Variants in PXMP2 observed in about 807,000 individuals in gnomAD.
The protein encoded by PXMP2 is peroxisomal membrane protein 2, also known as 22 kDa peroxisomal membrane protein.
In PXMP2, 13 loss-of-function variants were observed where a neutral mutation model predicts 20.2. The ratio of observed to expected loss-of-function variants is 0.64; its 90% CI spans 0.42 to 1.02. The LOEUF (loss-of-function observed/expected upper bound fraction) is 1.02. Ranked by LOEUF, PXMP2 falls within the 50% of genes least tolerant of loss-of-function variation. The pLI, the probability that PXMP2 is intolerant of heterozygous loss-of-function variation, is 0.00. For missense variants in PXMP2, 284 were observed against 251.8 expected (o/e 1.13, Z -0.87); for synonymous variants, 113 against 111.2 (o/e 1.02, Z -0.10).
chr12:132,701,372 G>A lies in PXMP2; in HGVS notation c.519+3G>A. 1 of 1,611,982 alleles carries A rather than the reference G, an allele frequency of 6.2e-7. No homozygotes were observed. ...ACATCAACTACGTCCCTCTGAAGGT[G>A]AGGGCCACGGGGCTCAGCCTCTGCT... On this transcript the variant is annotated splice_donor_region_variant and intron_variant, in intron 4 of 4. Transcript: ENST00000317479.
chr12:132,703,858 C>T (rs2043455729), intron 4 of PXMP2, among the ~76,000 whole-genome samples: 1 of 151,892 alleles, frequency 6.6e-6, no homozygotes, highest in African/African-American at 2.4e-5. Context: ...CACTGGTTCT[C>T]GGGAATTTAG....
At chr12:132,703,374 T>C (rs1365727592) in intron 4 of PXMP2, among the ~76,000 whole-genome samples, 1 of 151,888 alleles carries the variant, frequency 6.6e-6, no homozygotes, top group Non-Finnish European at 1.5e-5. Context: ...CCATGGTGGG[T>C]GCAGACGTGA....
In PXMP2 at chr12:132,704,652, T is replaced by A; in HGVS notation, c.553T>A (p.Phe185Ile). Residue 185 changes from phenylalanine (F) to isoleucine (I), a missense_variant, in exon 5 of 5, where the codon TTC becomes ATC. Coordinates refer to ENST00000317479, the MANE Select transcript of PXMP2 (RefSeq NM_018663.3). ...GCTCTTCGCCAACCTGGCAGCTCTG[T>A]TCTGGTATGCCTACCTGGCCTCCTT... is the stretch of plus-strand genomic sequence containing the variant. Reference protein sequence around the residue: ...RVLFANLAALFWYAYLASLGK With the variant: ...RVLFANLAALIWYAYLASLGK 6.5e-7 allele frequency: 1 copy of A among 1,528,758 alleles called. No homozygotes were observed. The highest frequency in any genetic ancestry group is 8.8e-7 in the Non-Finnish European group (1 of 1,133,962). The allele number at this position is 1,528,758 out of a possible 1,614,324, so 94.7% of individuals were successfully genotyped here.
At chr12:132,701,456 C>T in intron 4 of PXMP2, 87 bp downstream of exon 4, 1 of 1,496,128 alleles carries the variant, frequency 6.7e-7, no homozygotes, top group Non-Finnish European at 9.0e-7. Context: ...CCCCCCCTCC[C>T]TCCCCTCTTC....
Position 132,695,866 on chromosome 12 carries a change from A to AC in PXMP2, c.237-13dup. ...TCCAGAGAACCACAATCTGGCTCAC[A>AC]CCCCCTGGGGGCCTCAGGTTCTTCT... On this transcript the variant is annotated splice_polypyrimidine_tract_variant and intron_variant, in intron 2 of 4. Coordinates refer to ENST00000317479, the MANE Select transcript of PXMP2 (RefSeq NM_018663.3). 1 of 1,589,690 alleles carries AC rather than the reference A, an allele frequency of 6.3e-7. No homozygotes were observed. Among genetic ancestry groups the AC allele is most frequent in the East Asian group, 2.3e-5 (1 of 44,392 alleles).
intron 2 of PXMP2, among the ~76,000 whole-genome samples, chr12:132,695,155 G>T (rs35307355): frequency 1.3e-5 from 2 of 148,592 alleles, no homozygotes; most frequent in African/African-American, 5.0e-5. Flanking sequence ...GTTAGTGAGC[G>T]CCCTTGACAG....
chr12:132,704,504 G>A lies in PXMP2; in HGVS notation c.520-115G>A. The stretch of plus-strand genomic sequence containing the variant: ...GCTCAGTAAATGCAGTAATGGATGG[G>A]TGGTTGGACCAGCTGACCAACAAAC... On this transcript the variant is annotated intron_variant, in intron 4 of 4. Coordinates refer to ENST00000317479, the MANE Select transcript of PXMP2 (RefSeq NM_018663.3). The A allele has an allele frequency of 4.1e-6, 3 of 736,358 alleles. No homozygotes were observed. The South Asian group carries it at 8.8e-5, about 22-fold the overall frequency. The allele number at this position is 736,358 out of a possible 1,614,324, so 45.6% of individuals were successfully genotyped here.
At chr12:132,702,955 C>T (rs1275032810) in intron 4 of PXMP2, among the ~76,000 whole-genome samples, 1 of 152,204 alleles carries the variant, frequency 6.6e-6, no homozygotes, top group Non-Finnish European at 1.5e-5. Flanking sequence ...TGCACACAGA[C>T]AGGACAAAGA....
chr12:132,695,451 G>T (rs1593106788), intron 2 of PXMP2, among the ~76,000 whole-genome samples: 1 of 152,260 alleles, frequency 6.6e-6, no homozygotes, highest in East Asian at 1.9e-4. Flanking sequence ...CCTGTTCTGG[G>T]CACTGCAGTG....
In PXMP2 at chr12:132,696,443, C is replaced by T. The variant is rs2043410212; in HGVS notation, c.399+397C>T. 6.6e-6 allele frequency among the ~76,000 whole-genome samples: 1 copy of T among 152,054 alleles called. No homozygotes were observed. The highest frequency in any genetic ancestry group is 6.6e-5 in the Admixed American group (1 of 15,242). ...ATCACATCAGTTGTTACAGATATCT[C>T]GAAATATAATTTATGCTCATTACTA... On this transcript the variant is annotated intron_variant, in intron 3 of 4. Transcript: ENST00000317479. This position sits in a 1 kb window ranked among gnomAD's most constrained non-coding sequence, Gnocchi z 4.4.
chr12:132,695,838 A>G (rs371897821), intron 2 of PXMP2, 46 bp from the exon 3 acceptor site: 25 of 1,559,540 alleles, frequency 1.6e-5, no homozygotes, highest in Non-Finnish European at 1.9e-5. Flanking sequence ...AGAGAAGAGC[A>G]CATCCAGAGA....
intron 3 of PXMP2, among the ~76,000 whole-genome samples, chr12:132,700,241 G>T (rs1294588948): frequency 1.3e-5 from 2 of 151,752 alleles, no homozygotes; most frequent in Non-Finnish European, 2.9e-5. Context: ...TAGAGACAGG[G>T]TTTTCCCATG....
At chr12:132,701,590 A>G (rs1277339400) in intron 4 of PXMP2, 9 of 601,810 alleles carry the variant, frequency 1.5e-5, no homozygotes, top group Middle Eastern at 4.6e-4. Context: ...GGATTCAGGA[A>G]GCAACAGAGA....
chr12:132,697,409 ATTTATTT>A (rs1002664044), intron 3 of PXMP2, among the ~76,000 whole-genome samples: 1 of 151,342 alleles, frequency 6.6e-6, no homozygotes, highest in African/African-American at 2.4e-5. Flanking sequence ...TTATTTATTT[ATTTATTT>A]TTTATTTTTG....
intron 3 of PXMP2, among the ~76,000 whole-genome samples, chr12:132,699,315 G>T (rs1308622244): frequency 6.6e-6 from 1 of 152,048 alleles, no homozygotes; most frequent in Non-Finnish European, 1.5e-5. Context: ...TACTCAGGAG[G>T]CTGAGACGGA....
chr12:132,692,564 A>T (rs34670772), intron 2 of PXMP2, among the ~76,000 whole-genome samples: 846 of 41,730 alleles, frequency 0.02, 2 homozygotes, highest in Middle Eastern at 0.029. Flanking sequence ...GTTAGTGAGC[A>T]CCCTTGCCAG....
At chr12:132,687,917 C>T in intron 1 of PXMP2, 125 bp downstream of exon 1, 2 of 944,762 alleles carry the variant, frequency 2.1e-6, no homozygotes, top group Non-Finnish European at 2.6e-6. Context: ...ACCCCCGGAG[C>T]GGGCGCCCTC....
chr12:132,701,116 A>G (rs1593109527), intron 3 of PXMP2, 134 bp from the exon 4 acceptor site: 2 of 1,179,768 alleles, frequency 1.7e-6, no homozygotes, highest in South Asian at 1.4e-5. Context: ...CTGAGTACAC[A>G]TGTGTGCTGT....
chr12:132,704,876 G>A lies in PXMP2; in HGVS notation c.*189G>A, dbSNP rs10007. The A allele has an allele frequency of 0.51, 323,769 of 636,052 alleles. 86,501 individuals carry two copies. Among genetic ancestry groups the A allele is most frequent in the Non-Finnish European group, 0.57 (203,383 of 357,036 alleles). 39.4% of individuals were successfully genotyped at this position (636,052 alleles called of 1,614,324 possible). On this transcript the variant is annotated 3_prime_UTR_variant, in exon 5 of 5. Coordinates refer to ENST00000317479, the MANE Select transcript of PXMP2 (RefSeq NM_018663.3). ...AACCCTGTCTTTTAAAAAGGCAGTC[G>A]CTGCCTTCAGGTGGTGCTGCCCCAG...
Sources: allele counts gnomAD v4.1 joint callset (sites outside exome capture counted in the v4.1 genomes callset), GRCh38; gene constraint gnomAD v4.1.1; non-coding constraint Gnocchi (gnomAD v3.1); transcripts MANE v1.5; gene names NCBI Gene and HGNC (gene_info 2026-07-23, HGNC 2026-07-21).